CACHD1: variants seen among roughly 807,000 people sequenced by gnomAD.
CACHD1 encodes cache domain containing 1, also known as VWFA and cache domain-containing protein 1.
Under a neutral mutation model 138.7 loss-of-function variants are expected in CACHD1, and 71 were observed. The observed-to-expected ratio is 0.51, with a 90% CI of 0.42 to 0.62. The LOEUF (loss-of-function observed/expected upper bound fraction) is 0.62, where lower values mean the gene tolerates loss of function less well. Ranked by LOEUF, CACHD1 falls within the 20% of genes least tolerant of loss-of-function variation. CACHD1 has a pLI of 0.00. For missense variants in CACHD1, 1,389 were observed against 1,625.3 expected (o/e 0.85, Z 2.50); for synonymous variants, 578 against 591.5 (o/e 0.98, Z 0.33).
At chr1:64,614,826 C>T (rs987570382) in intron 4 of CACHD1, among the ~76,000 whole-genome samples, 1 of 152,182 alleles carries the variant, frequency 6.6e-6, no homozygotes, top group Non-Finnish European at 1.5e-5. Context: ...ATCCTCATTT[C>T]TCTTCTAGAA....
intron 2 of CACHD1, among the ~76,000 whole-genome samples, chr1:64,578,171 C>T (rs976182374): frequency 1.3e-5 from 2 of 152,174 alleles, no homozygotes; most frequent in African/African-American, 2.4e-5. Flanking sequence ...TCTGAGGCAC[C>T]GCAGCGAGTG....
At chr1:64,517,959 G>A (rs1646471019) in intron 1 of CACHD1, among the ~76,000 whole-genome samples, 1 of 152,184 alleles carries the variant, frequency 6.6e-6, no homozygotes, top group Non-Finnish European at 1.5e-5. Flanking sequence ...TAGATCTTAA[G>A]AGGGAAAGAA....
At chr1:64,493,789 T>C (rs1050647011) in intron 1 of CACHD1, among the ~76,000 whole-genome samples, 2 of 152,194 alleles carry the variant, frequency 1.3e-5, no homozygotes, top group Non-Finnish European at 2.9e-5. Context: ...CTGCAGTGGA[T>C]TTACACACAT....
intron 1 of CACHD1, among the ~76,000 whole-genome samples, chr1:64,529,900 G>C (rs1646568964): frequency 6.6e-6 from 1 of 152,122 alleles, no homozygotes. Context: ...CTTGCCTCTA[G>C]GTCTTCTATG....
intron 1 of CACHD1, among the ~76,000 whole-genome samples, chr1:64,509,207 A>G (rs1287619370): frequency 6.6e-6 from 1 of 152,142 alleles, no homozygotes; most frequent in Non-Finnish European, 1.5e-5. Context: ...TTGAACTGTC[A>G]TTAGCAAAAG....
intron 8 of CACHD1, 21 bp downstream of exon 8, chr1:64,641,990 T>C (rs1411040171): frequency 5.9e-6 from 9 of 1,529,524 alleles, no homozygotes; most frequent in African/African-American, 2.8e-5. Context: ...TTTCAAGATA[T>C]TCCTTTCAGA....
At chr1:64,570,676 A>G (rs1266042774) in intron 2 of CACHD1, among the ~76,000 whole-genome samples, 1 of 152,180 alleles carries the variant, frequency 6.6e-6, no homozygotes, top group Non-Finnish European at 1.5e-5. Flanking sequence ...CAGCTTGGCA[A>G]GGGAACACAC....
At position 64,470,791 on chromosome 1, in the gene CACHD1, G is replaced by A; in HGVS notation, c.47G>A (p.Arg16Gln). Residue 16 changes from arginine (R) to glutamine (Q), a missense_variant, in exon 1 of 27, where the codon CGG (arginine) becomes CAG (glutamine). Coordinates refer to ENST00000651257, the MANE Select transcript of CACHD1 (RefSeq NM_020925.4). This position sits in a 1 kb window ranked among gnomAD's most constrained non-coding sequence, Gnocchi z 5.2. ...GAGGAGACGGCCGTGGCCCGGGCGC[G>A]GCGGCCGCCCCTCTGGCTGCTCTGC... ...EEEETAVARA[R>Q]RPPLWLLCLV... is the part of the protein sequence containing the mutation. 1 of 1,165,548 alleles carries A rather than the reference G, an allele frequency of 8.6e-7. No individual in the cohort carries two copies. The highest frequency in any genetic ancestry group is 1.4e-5 in the South Asian group (1 of 73,426). The allele number at this position is 1,165,548 out of a possible 1,614,324, so 72.2% of individuals were successfully genotyped here.
intron 1 of CACHD1, among the ~76,000 whole-genome samples, chr1:64,535,868 A>T (rs1404527170): frequency 6.6e-6 from 1 of 152,126 alleles, no homozygotes; most frequent in Non-Finnish European, 1.5e-5. Context: ...TGCCTTTTAT[A>T]ACAAGCAATC....
chr1:64,621,249 C>G (rs1215930416), intron 4 of CACHD1, among the ~76,000 whole-genome samples: 1 of 152,066 alleles, frequency 6.6e-6, no homozygotes, highest in Non-Finnish European at 1.5e-5. Context: ...TAAATTTTTT[C>G]CATATGTTCG....
chr1:64,678,199 G>C lies in CACHD1; in HGVS notation c.3133G>C (p.Asp1045His). 1 of 1,612,622 alleles carries C rather than the reference G, an allele frequency of 6.2e-7. No individual in the cohort carries two copies. Among genetic ancestry groups the C allele is most frequent in the Non-Finnish European group, 8.5e-7 (1 of 1,179,460 alleles). ...GCTGGATTGTGAATGGTGCATGGTGGACAGTGATGGAAAGACTCACCTGGA... is the reference window on the plus strand; with the variant it reads ...GCTGGATTGTGAATGGTGCATGGTGCACAGTGATGGAAAGACTCACCTGGA... Reference protein sequence around the residue: ...GVLDCEWCMVDSDGKTHLDKP... With the variant: ...GVLDCEWCMVHSDGKTHLDKP... Residue 1045 changes from aspartate to histidine, a missense_variant, in exon 23 of 27, where the codon GAC (aspartate) becomes CAC (histidine). This residue lies in a region of CACHD1 where 250 missense variants were observed against 292.9 expected (regional missense o/e 0.85). Transcript: ENST00000651257.
At chr1:64,494,872 G>A (rs771724058) in intron 1 of CACHD1, among the ~76,000 whole-genome samples, 3 of 152,170 alleles carry the variant, frequency 2.0e-5, no homozygotes, top group African/African-American at 4.8e-5. Flanking sequence ...TGAAAGCCAC[G>A]AAGTGGTAGA....
chr1:64,529,915 T>A (rs1357674086), intron 1 of CACHD1, among the ~76,000 whole-genome samples: 2 of 152,232 alleles, frequency 1.3e-5, no homozygotes, highest in Non-Finnish European at 2.9e-5. Flanking sequence ...TCTATGATTT[T>A]GGCCAAATCT....
At chr1:64,484,105 T>C (rs748904994) in intron 1 of CACHD1, among the ~76,000 whole-genome samples, 47 of 152,186 alleles carry the variant, frequency 3.1e-4, no homozygotes, top group Middle Eastern at 3.4e-3. Context: ...TATATTCCTG[T>C]AGAATGGTGC....
intron 1 of CACHD1, among the ~76,000 whole-genome samples, chr1:64,481,219 T>C (rs1319475707): frequency 6.6e-6 from 1 of 152,214 alleles, no homozygotes; most frequent in African/African-American, 2.4e-5. Flanking sequence ...CATGATAATG[T>C]CTTGGTTCTC....
chr1:64,566,479 T>TCCCA (rs1553133820), intron 2 of CACHD1, among the ~76,000 whole-genome samples: 3 of 120,646 alleles, frequency 2.5e-5, no homozygotes, highest in Non-Finnish European at 5.3e-5. Context: ...TGTTTTCAAT[T>TCCCA]CCCCCCCCCC....
intron 6 of CACHD1, 26 bp from the exon 7 acceptor site, chr1:64,634,018 G>GTTTTTTTTTTTTTTTTTTTTT (rs764180229): frequency 3.3e-6 from 4 of 1,205,168 alleles, no homozygotes; most frequent in Non-Finnish European, 2.3e-6. Flanking sequence ...AAGTTTGGTG[G>GTTTTTTTTTTTTTTTTTTTTT]TTTTTTTTTT....
intron 4 of CACHD1, among the ~76,000 whole-genome samples, chr1:64,615,409 G>T (rs1327717411): frequency 2.0e-5 from 3 of 152,176 alleles, no homozygotes; most frequent in African/African-American, 7.2e-5. Flanking sequence ...GCCTTCCAGG[G>T]TTGTGTTGGC....
At chr1:64,665,438 C>T (rs186239869) in intron 15 of CACHD1, among the ~76,000 whole-genome samples, 16 of 151,930 alleles carry the variant, frequency 1.1e-4, no homozygotes, top group Non-Finnish European at 1.8e-4. Flanking sequence ...CCAGCCTGGG[C>T]GATAGAATGA....
Sources: gnomAD v4.1 joint callset for allele counts (sites outside exome capture counted in the v4.1 genomes callset) on GRCh38, gnomAD v4.1.1 for gene constraint, gnomAD v4.1.1 regional missense constraint, Gnocchi (gnomAD v3.1) non-coding constraint, MANE v1.5 for transcripts, NCBI Gene and HGNC (gene_info 2026-07-23, HGNC 2026-07-21) for gene names.